The following SBF2 variants were observed in gnomAD, a reference collection of about 807,000 sequenced individuals.
SBF2 encodes SET binding factor 2.
Under a neutral mutation model 225.2 loss-of-function variants are expected in SBF2, and 112 were observed. That is an observed-to-expected ratio of 0.50 (90% CI 0.43 to 0.58). The LOEUF (loss-of-function observed/expected upper bound fraction) is 0.58, where lower values mean the gene tolerates loss of function less well. SBF2 is among the 20% of genes least tolerant of loss of function. The probability of loss-of-function intolerance (pLI) is 0.00; values close to 1 mark genes in which losing one functional copy is unlikely to be tolerated. For missense variants in SBF2, 1,996 were observed against 2,206.2 expected, an observed-to-expected ratio of 0.90 and a Z score of 1.91; for synonymous variants, 763 against 773.3, an observed-to-expected ratio of 0.99 and a Z score of 0.22.
intron 17 of SBF2, among the ~76,000 whole-genome samples, chr11:9,887,542 C>T (rs1860437300): frequency 1.3e-5 from 2 of 151,890 alleles, no homozygotes; most frequent in African/African-American, 4.8e-5. Flanking sequence ...GCTAAACTGT[C>T]TTAAAGAACA....
chr11:9,831,661 C>A (rs1855408178), intron 27 of SBF2, among the ~76,000 whole-genome samples: 1 of 152,206 alleles, frequency 6.6e-6, no homozygotes, highest in South Asian at 2.1e-4. Flanking sequence ...AGACCTCAGA[C>A]ATGGTACTCA....
At position 9,942,969 on chromosome 11, in the gene SBF2, AAAAG is replaced by A. The variant is rs200792716; in HGVS notation, c.1860+18984_1860+18987del. On this transcript the variant is annotated intron_variant, in intron 16 of 39. Coordinates refer to ENST00000256190, the MANE Select transcript of SBF2 (RefSeq NM_030962.4). ...AAGGAACGAAGGAAGGAAAGAAGGA[AAAAG>A]AAAGAGGAAGAAAGAAAGAAAGAAA... Among the ~76,000 whole-genome samples, 167 of 144,474 alleles carry A rather than the reference AAAAG, an allele frequency of 1.2e-3. 2 individuals carry two copies. In the East Asian group the frequency reaches 0.031, roughly 27 times the overall value. 94.8% of individuals were successfully genotyped at this position (144,474 alleles called of 152,430 possible).
At chr11:9,955,983 CT>C (rs1218361587) in intron 16 of SBF2, among the ~76,000 whole-genome samples, 3 of 151,878 alleles carry the variant, frequency 2.0e-5, no homozygotes, top group Admixed American at 1.3e-4. Context: ...TTGAATTGTC[CT>C]TTTTTTTCTT....
chr11:9,977,386 C>T (rs1946745022), intron 13 of SBF2, among the ~76,000 whole-genome samples: 1 of 151,450 alleles, frequency 6.6e-6, no homozygotes, highest in African/African-American at 2.4e-5. Context: ...ACTAGGAAGG[C>T]TGAAGCAGGA....
chr11:10,126,160 G>C (rs1380025732), intron 2 of SBF2, among the ~76,000 whole-genome samples: 1 of 151,994 alleles, frequency 6.6e-6, no homozygotes, highest in Non-Finnish European at 1.5e-5. Context: ...GTCTCATCTA[G>C]ATTTAATAAC....
At chr11:10,102,807 T>C (rs1952367590) in intron 2 of SBF2, among the ~76,000 whole-genome samples, 1 of 152,188 alleles carries the variant, frequency 6.6e-6, no homozygotes, top group Non-Finnish European at 1.5e-5. Flanking sequence ...TATCTGCTGT[T>C]TAACAGAAAA....
At position 10,001,030 on chromosome 11, in the gene SBF2, T is replaced by G; in HGVS notation, c.753-8A>C. On this transcript the variant is annotated splice_region_variant and splice_polypyrimidine_tract_variant and intron_variant, in intron 7 of 39. Transcript: ENST00000256190. ...ATAGGGATATAAGGATAACTGGAAA[T>G]AATAAAAATATGCGTCAAATATATT... 1 of 1,386,120 alleles carries G rather than the reference T, an allele frequency of 7.2e-7. No homozygotes were observed. Among genetic ancestry groups the G allele is most frequent in the Non-Finnish European group, 1.0e-6 (1 of 972,260 alleles). The allele number at this position is 1,386,120 out of a possible 1,614,324, so 85.9% of individuals were successfully genotyped here.
chr11:9,789,066 A>G, intron 35 of SBF2, 43 bp downstream of exon 35: 1 of 1,564,370 alleles, frequency 6.4e-7, no homozygotes, highest in Non-Finnish European at 8.8e-7. Context: ...TCATGCCTCC[A>G]GGGCCCCTGG....
intron 1 of SBF2, chr11:10,272,099 G>C: frequency 8.8e-7 from 1 of 1,142,580 alleles, no homozygotes; most frequent in South Asian, 1.5e-5. Flanking sequence ...GTTACTTCCA[G>C]CTGGAACACC....
chr11:10,160,207 T>C (rs1955672671), intron 2 of SBF2, among the ~76,000 whole-genome samples: 1 of 152,090 alleles, frequency 6.6e-6, no homozygotes, highest in Admixed American at 6.6e-5. Context: ...AATAAACAAG[T>C]TCAGTAAAGT....
upstream of SBF2, chr11:10,294,343 G>T (rs1226982596): frequency 6.1e-6 from 2 of 329,726 alleles, no homozygotes; most frequent in Non-Finnish European, 1.1e-5. Context: ...CTGCGCTGGG[G>T]GAGTGGGCGG....
chr11:10,149,443 CT>C (rs1185901231), intron 2 of SBF2: 3 of 152,192 alleles, frequency 2.0e-5, no homozygotes, highest in African/African-American at 7.2e-5. Context: ...CTAAACTCAT[CT>C]CTTCCTTGAC....
intron 16 of SBF2, among the ~76,000 whole-genome samples, chr11:9,951,151 G>A (rs1590581969): frequency 6.6e-6 from 1 of 152,090 alleles, no homozygotes; most frequent in African/African-American, 2.4e-5. Flanking sequence ...GGAGCAGGGA[G>A]GAGAAAGGAA....
At chr11:9,959,460 A>G (rs1162776250) in intron 16 of SBF2, 30 of 1,051,584 alleles carry the variant, frequency 2.9e-5, no homozygotes, top group Non-Finnish European at 4.0e-5. Flanking sequence ...TTATCCGTTT[A>G]CAGGTGTGCC....
chr11:9,928,941 G>A (rs1864269768), intron 16 of SBF2: 4 of 433,654 alleles, frequency 9.2e-6, no homozygotes, highest in South Asian at 5.6e-5. Flanking sequence ...TTTCTTGTTC[G>A]AGTTCAAAAC....
chr11:9,791,932 A>G (rs1019816981), intron 33 of SBF2, among the ~76,000 whole-genome samples: 3 of 152,234 alleles, frequency 2.0e-5, no homozygotes, highest in Non-Finnish European at 4.4e-5. Context: ...ACCAAGTCCA[A>G]TGGACTTTTC....
At chr11:10,109,678 G>A (rs866068143) in intron 2 of SBF2, among the ~76,000 whole-genome samples, 10 of 152,034 alleles carry the variant, frequency 6.6e-5, no homozygotes, top group South Asian at 4.2e-4. Context: ...GAAGTAAGAT[G>A]GTATAATTTA....
chr11:9,916,160 C>G (rs1012289627), intron 16 of SBF2, among the ~76,000 whole-genome samples: 2 of 152,084 alleles, frequency 1.3e-5, no homozygotes, highest in Non-Finnish European at 2.9e-5. Flanking sequence ...CAAAGATAAA[C>G]TAATCAAATA....
At chr11:10,225,556 T>G (rs1565373431) in intron 1 of SBF2, among the ~76,000 whole-genome samples, 1 of 152,126 alleles carries the variant, frequency 6.6e-6, no homozygotes, top group Non-Finnish European at 1.5e-5. Context: ...TCCTAATAAG[T>G]GATCCATTTT....
Sources: allele counts gnomAD v4.1 joint callset (sites outside exome capture counted in the v4.1 genomes callset), GRCh38; gene constraint gnomAD v4.1.1; transcripts MANE v1.5; gene names NCBI Gene and HGNC (gene_info 2026-07-23, HGNC 2026-07-21).